The following ELOVL6 variants were observed in gnomAD, a reference collection of about 807,000 sequenced individuals.
The protein encoded by ELOVL6 is very long chain fatty acid elongase 6.
ELOVL6 carries 8 observed loss-of-function variants against 31.7 expected under a neutral mutation model. That is an observed-to-expected ratio of 0.25 (90% CI 0.15 to 0.45). The LOEUF (loss-of-function observed/expected upper bound fraction) is 0.45, where lower values mean the gene tolerates loss of function less well. Ranked by LOEUF, ELOVL6 falls within the 20% of genes least tolerant of loss-of-function variation. ELOVL6 has a pLI of 1.00. For synonymous variants in ELOVL6, 101 were observed against 117.7 expected (o/e 0.86, Z 0.92); for missense variants, 126 against 326.4 (o/e 0.39, Z 4.73).
At chr4:110,077,627 C>A (rs1478618217) in intron 2 of ELOVL6, among the ~76,000 whole-genome samples, 1 of 152,114 alleles carries the variant, frequency 6.6e-6, no homozygotes, top group Non-Finnish European at 1.5e-5. Flanking sequence ...GATAAAACCA[C>A]AAAGACGGGG....
chr4:110,131,982 T>C (rs1247077672), intron 1 of ELOVL6, among the ~76,000 whole-genome samples: 1 of 152,102 alleles, frequency 6.6e-6, no homozygotes, highest in African/African-American at 2.4e-5. Flanking sequence ...GGGGAAGAGG[T>C]GCTTCTGCAG....
At chr4:110,078,764 T>A (rs1328695884) in intron 2 of ELOVL6, among the ~76,000 whole-genome samples, 3 of 152,210 alleles carry the variant, frequency 2.0e-5, no homozygotes, top group Non-Finnish European at 2.9e-5. Context: ...GTAAATGGGC[T>A]AAATGCTCCA....
chr4:110,124,646 C>A (rs1757445942), intron 1 of ELOVL6, among the ~76,000 whole-genome samples: 1 of 151,726 alleles, frequency 6.6e-6, no homozygotes, highest in Non-Finnish European at 1.5e-5. Flanking sequence ...GTGCAGCAAA[C>A]CACCATGGCA....
intron 1 of ELOVL6, among the ~76,000 whole-genome samples, chr4:110,183,613 T>C (rs528647589): frequency 0.012 from 1,276 of 104,062 alleles, 15 homozygotes; most frequent in African/African-American, 0.035. Flanking sequence ...TACAGATCTA[T>C]TTTTTTTTTA....
At chr4:110,184,672 G>A (rs537004394) in intron 1 of ELOVL6, among the ~76,000 whole-genome samples, 2 of 152,136 alleles carry the variant, frequency 1.3e-5, no homozygotes, top group Non-Finnish European at 2.9e-5. Context: ...ACAATGAACC[G>A]AGAAAAAGGG....
intron 3 of ELOVL6, 62 bp downstream of exon 3, chr4:110,059,541 A>G: frequency 6.6e-7 from 1 of 1,517,116 alleles, no homozygotes; most frequent in South Asian, 1.3e-5. Flanking sequence ...TTTGCTCACT[A>G]AATAAATACT....
Position 110,051,230 on chromosome 4 carries a change from T to C in ELOVL6, c.*108A>G, listed in dbSNP as rs1754828907. On this transcript the variant is annotated 3_prime_UTR_variant, in exon 4 of 4. Coordinates refer to ENST00000302274, the MANE Select transcript of ELOVL6 (RefSeq NM_024090.3). This position sits in a 1 kb window ranked among gnomAD's most constrained non-coding sequence, Gnocchi z 4.8. Reference sequence around the variant, plus strand: ...CTGCCTTGGGTTTTGTGTTTGCTCATGTTTTGTTTTGTTTTAGCTGCACCA... The same window carrying C: ...CTGCCTTGGGTTTTGTGTTTGCTCACGTTTTGTTTTGTTTTAGCTGCACCA... 4 of 1,160,776 alleles carry C rather than the reference T, an allele frequency of 3.4e-6. No homozygotes were observed. Among genetic ancestry groups the C allele is most frequent in the Non-Finnish European group, 2.5e-6 (2 of 813,578 alleles). The allele number at this position is 1,160,776 out of a possible 1,614,324, so 71.9% of individuals were successfully genotyped here.
At chr4:110,066,157 G>A (rs573249960) in intron 2 of ELOVL6, among the ~76,000 whole-genome samples, 1 of 152,280 alleles carries the variant, frequency 6.6e-6, no homozygotes, top group East Asian at 1.9e-4. Context: ...TATTAACATA[G>A]GAGAGGTCAC....
intron 1 of ELOVL6, among the ~76,000 whole-genome samples, chr4:110,138,093 G>A (rs1211990930): frequency 6.6e-6 from 1 of 152,122 alleles, no homozygotes; most frequent in Non-Finnish European, 1.5e-5. Context: ...TTATTGCTTA[G>A]GTTTCTAAAG....
intron 2 of ELOVL6, among the ~76,000 whole-genome samples, chr4:110,098,426 T>A (rs1756651794): frequency 6.6e-6 from 1 of 152,174 alleles, no homozygotes; most frequent in Admixed American, 6.5e-5. Context: ...TTTGCTTTTT[T>A]ATAGCCATAC....
At chr4:110,118,476 C>CT (rs1757251674) in intron 1 of ELOVL6, among the ~76,000 whole-genome samples, 1 of 152,108 alleles carries the variant, frequency 6.6e-6, no homozygotes, top group Non-Finnish European at 1.5e-5. Flanking sequence ...ACATTTTCAA[C>CT]TTTTTTAGAT....
intron 1 of ELOVL6, among the ~76,000 whole-genome samples, chr4:110,109,078 T>C (rs1449394297): frequency 6.6e-6 from 1 of 152,224 alleles, no homozygotes; most frequent in Admixed American, 6.5e-5. Context: ...TTCAATTATA[T>C]TCAAGATGAA....
chr4:110,093,393 T>C (rs1756479494), intron 2 of ELOVL6, among the ~76,000 whole-genome samples: 1 of 152,210 alleles, frequency 6.6e-6, no homozygotes, highest in Non-Finnish European at 1.5e-5. Context: ...AAGTGACCAC[T>C]GGACAGATTT....
chr4:110,074,412 G>A (rs897153975), intron 2 of ELOVL6, among the ~76,000 whole-genome samples: 25 of 152,190 alleles, frequency 1.6e-4, no homozygotes, highest in Non-Finnish European at 1.5e-5. Flanking sequence ...ATTTCAGCCA[G>A]GGGAGGGTCA....
intron 1 of ELOVL6, among the ~76,000 whole-genome samples, chr4:110,117,317 G>A (rs1757195125): frequency 6.6e-6 from 1 of 152,198 alleles, no homozygotes; most frequent in South Asian, 2.1e-4. Context: ...TCAAGAGGGT[G>A]TAGGCAAAAC....
chr4:110,167,165 A>G (rs532693361), intron 1 of ELOVL6, among the ~76,000 whole-genome samples: 1 of 152,268 alleles, frequency 6.6e-6, no homozygotes, highest in East Asian at 1.9e-4. Context: ...GTATCTCTCC[A>G]CTGGCAAAAA....
chr4:110,126,051 C>CT (rs1757481830), intron 1 of ELOVL6, among the ~76,000 whole-genome samples: 2 of 151,574 alleles, frequency 1.3e-5, no homozygotes, highest in South Asian at 2.1e-4. Context: ...ACTGTCCAAT[C>CT]TTTTTTTTGT....
chr4:110,154,670 C>T (rs776770499), intron 1 of ELOVL6, among the ~76,000 whole-genome samples: 2 of 152,204 alleles, frequency 1.3e-5, no homozygotes, highest in Non-Finnish European at 2.9e-5. Context: ...CTATTTCTGT[C>T]ATCAGACCCA....
chr4:110,084,288 CTT>C lies in ELOVL6; in HGVS notation c.221+21207_221+21208del, dbSNP rs1174148778. On this transcript the variant is annotated intron_variant, in intron 2 of 3. Coordinates refer to ENST00000302274, the MANE Select transcript of ELOVL6 (RefSeq NM_024090.3). ...TATATGTGATATATAACATATATAA[CTT>C]ATATATGATATATAACATATAACAT... Among the ~76,000 whole-genome samples, 627 of 104,224 alleles carry C rather than the reference CTT, an allele frequency of 6.0e-3. 127 individuals are homozygous for C. Among genetic ancestry groups the C allele is most frequent in the Non-Finnish European group, 9.3e-3 (549 of 59,308 alleles). The allele number at this position is 104,224 out of a possible 152,430, so 68.4% of individuals were successfully genotyped here.
Sources: gnomAD v4.1 joint callset for allele counts (sites outside exome capture counted in the v4.1 genomes callset) on GRCh38, gnomAD v4.1.1 for gene constraint, Gnocchi (gnomAD v3.1) non-coding constraint, MANE v1.5 for transcripts, NCBI Gene and HGNC (gene_info 2026-07-23, HGNC 2026-07-21) for gene names.